PTPRT: variants seen among roughly 807,000 people sequenced by gnomAD.
The protein encoded by PTPRT is receptor-type tyrosine-protein phosphatase T.
Under a neutral mutation model 176.8 loss-of-function variants are expected in PTPRT, and 56 were observed. That is an observed-to-expected ratio of 0.32 (90% CI 0.26 to 0.40). PTPRT has a LOEUF of 0.40. Among genes scored for constraint, PTPRT ranks in the 10% least tolerant of loss-of-function variants. The pLI, the probability that PTPRT is intolerant of heterozygous loss-of-function variation, is 1.00. For missense variants in PTPRT, 1,540 were observed against 1,908.2 expected (o/e 0.81, Z 3.60); for synonymous variants, 783 against 739.0 (o/e 1.06, Z -0.96).
At chr20:42,526,298 G>A (rs1262605929) in intron 7 of PTPRT, among the ~76,000 whole-genome samples, 4 of 152,064 alleles carry the variant, frequency 2.6e-5, no homozygotes, top group Admixed American at 2.0e-4. Flanking sequence ...TGTCTTCCAT[G>A]TTTATCATTT....
intron 24 of PTPRT, among the ~76,000 whole-genome samples, chr20:42,105,990 T>G (rs1986400103): frequency 6.6e-6 from 1 of 152,160 alleles, no homozygotes; most frequent in Non-Finnish European, 1.5e-5. Flanking sequence ...AAAGGCTGCT[T>G]AGTGAGAGTG....
chr20:42,682,941 G>A (rs566694540), intron 6 of PTPRT, among the ~76,000 whole-genome samples: 2 of 152,294 alleles, frequency 1.3e-5, no homozygotes, highest in South Asian at 2.1e-4. Context: ...GGAGCTGTGC[G>A]CATGTACTGT....
chr20:42,042,478 C>T, the PTPRT span, among the ~76,000 whole-genome samples: 2 of 152,152 alleles, frequency 1.3e-5, no homozygotes, highest in Admixed American at 6.5e-5. Flanking sequence ...CTATCTTTGA[C>T]CTCTGTTGGT....
At chr20:43,062,696 A>G (rs1987522120) in intron 1 of PTPRT, among the ~76,000 whole-genome samples, 2 of 152,334 alleles carry the variant, frequency 1.3e-5, no homozygotes, top group Non-Finnish European at 2.9e-5. Context: ...GGGCCATGAA[A>G]TCTTGGATTA....
chr20:42,866,317 A>G (rs2078745756), intron 2 of PTPRT, among the ~76,000 whole-genome samples: 1 of 152,202 alleles, frequency 6.6e-6, no homozygotes, highest in South Asian at 2.1e-4. Flanking sequence ...AGATGAGGAA[A>G]TGGAACCCAC....
chr20:43,068,010 G>A (rs866829802), intron 1 of PTPRT, among the ~76,000 whole-genome samples: 4 of 3,088 alleles, frequency 1.3e-3, no homozygotes, highest in African/African-American at 6.1e-3. Context: ...AGGAAGGGGA[G>A]GGAGGGGAGG....
At chr20:43,030,684 A>G (rs944359183) in intron 1 of PTPRT, among the ~76,000 whole-genome samples, 2 of 152,192 alleles carry the variant, frequency 1.3e-5, no homozygotes, top group Non-Finnish European at 2.9e-5. Flanking sequence ...CTTGGGGGTT[A>G]TGGAGGAACA....
At chr20:42,879,590 C>T (rs76592741) in intron 2 of PTPRT, among the ~76,000 whole-genome samples, 8,036 of 152,212 alleles carry the variant, frequency 0.053, 290 homozygotes, top group Middle Eastern at 0.088. Context: ...CCATTCAACC[C>T]AAACAGACCT....
intron 6 of PTPRT, among the ~76,000 whole-genome samples, chr20:42,719,007 G>A (rs972434498): frequency 2.0e-5 from 3 of 152,226 alleles, no homozygotes; most frequent in African/African-American, 7.2e-5. Flanking sequence ...CATATGCAGG[G>A]ATGGAGTAGG....
intron 1 of PTPRT, among the ~76,000 whole-genome samples, chr20:43,158,139 T>TG (rs1018851575): frequency 6.6e-6 from 1 of 150,584 alleles, no homozygotes; most frequent in African/African-American, 2.4e-5. Flanking sequence ...GTGGCGAGAG[T>TG]GGGGGGACTC....
chr20:43,181,055 G>A (rs1167301597), intron 1 of PTPRT, among the ~76,000 whole-genome samples: 5 of 152,170 alleles, frequency 3.3e-5, no homozygotes, highest in African/African-American at 7.2e-5. Flanking sequence ...GCCACACTGT[G>A]AGCTGTCTGA....
At chr20:42,262,161 C>T (rs1334287266) in intron 13 of PTPRT, among the ~76,000 whole-genome samples, 1 of 152,232 alleles carries the variant, frequency 6.6e-6, no homozygotes, top group African/African-American at 2.4e-5. Flanking sequence ...CTAGCCTTTG[C>T]CCCTTTGCTT....
chr20:42,801,756 G>A (rs553400950), intron 2 of PTPRT, among the ~76,000 whole-genome samples: 1 of 152,294 alleles, frequency 6.6e-6, no homozygotes, highest in African/African-American at 2.4e-5. Context: ...AAGTTATGTA[G>A]GTGTCAGACA....
At chr20:42,785,079 C>G (rs1369023986) in intron 3 of PTPRT, among the ~76,000 whole-genome samples, 1 of 152,132 alleles carries the variant, frequency 6.6e-6, no homozygotes, top group African/African-American at 2.4e-5. Flanking sequence ...CTAAGTCTTT[C>G]TATAACACAT....
At chr20:42,431,329 C>T (rs2059214231) in intron 9 of PTPRT, among the ~76,000 whole-genome samples, 1 of 151,802 alleles carries the variant, frequency 6.6e-6, no homozygotes, top group African/African-American at 2.4e-5. Flanking sequence ...TGCAATGCCA[C>T]CATAAACATG....
intron 12 of PTPRT, among the ~76,000 whole-genome samples, chr20:42,310,709 A>G (rs1033689670): frequency 2.0e-5 from 3 of 152,298 alleles, no homozygotes; most frequent in Non-Finnish European, 2.9e-5. Context: ...TAATATTGCT[A>G]TATCCAAAAC....
At chr20:42,861,384 C>T (rs1320285002) in intron 2 of PTPRT, among the ~76,000 whole-genome samples, 1 of 152,096 alleles carries the variant, frequency 6.6e-6, no homozygotes, top group Non-Finnish European at 1.5e-5. Context: ...AATTAAGACC[C>T]AGTGGGAAGT....
At chr20:42,759,721 T>G (rs566532993) in intron 5 of PTPRT, among the ~76,000 whole-genome samples, 1 of 152,346 alleles carries the variant, frequency 6.6e-6, no homozygotes, top group Non-Finnish European at 1.5e-5. Flanking sequence ...CAGATTTAAG[T>G]ATATCCTTCC....
intron 16 of PTPRT, among the ~76,000 whole-genome samples, chr20:42,164,872 A>AT (rs1376668338): frequency 6.6e-6 from 1 of 151,826 alleles, no homozygotes; most frequent in African/African-American, 2.4e-5. Flanking sequence ...AGGATTTTTC[A>AT]TTTTTTCTCC....
Sources: allele counts gnomAD v4.1 joint callset (sites outside exome capture counted in the v4.1 genomes callset), GRCh38; gene constraint gnomAD v4.1.1; transcripts MANE v1.5; gene names NCBI Gene and HGNC (gene_info 2026-07-23, HGNC 2026-07-21).